Variants in PLCB1 observed in about 807,000 individuals in gnomAD.
PLCB1 encodes phospholipase C beta 1.
PLCB1 carries 46 observed loss-of-function variants against 161.8 expected under a neutral mutation model. That is an observed-to-expected ratio of 0.28 (90% CI 0.22 to 0.36). PLCB1 has a LOEUF of 0.36. Among genes scored for constraint, PLCB1 ranks in the 10% least tolerant of loss-of-function variants. PLCB1 has a pLI of 1.00. For missense variants in PLCB1, 1,016 were observed against 1,472.5 expected (o/e 0.69, Z 5.07); for synonymous variants, 517 against 503.7 (o/e 1.03, Z -0.35).
chr20:8,549,468 A>G (rs1048054718), intron 3 of PLCB1, among the ~76,000 whole-genome samples: 8 of 152,214 alleles, frequency 5.3e-5, no homozygotes, highest in Non-Finnish European at 1.0e-4. Flanking sequence ...GTCCCCACCC[A>G]AATCTCACCT....
At chr20:8,569,660 TA>T (rs1048115303) in intron 3 of PLCB1, among the ~76,000 whole-genome samples, 9 of 152,212 alleles carry the variant, frequency 5.9e-5, no homozygotes, top group African/African-American at 9.6e-5. Context: ...CAATCACTGA[TA>T]TTTTTATAAT....
At chr20:8,334,984 G>A (rs1204078612) in intron 2 of PLCB1, among the ~76,000 whole-genome samples, 1 of 152,076 alleles carries the variant, frequency 6.6e-6, no homozygotes, top group African/African-American at 2.4e-5. Flanking sequence ...ACCTATTTCT[G>A]TACCAAATTC....
chr20:8,619,108 GCTCCTTTTAA>G, intron 3 of PLCB1, among the ~76,000 whole-genome samples: 1 of 152,090 alleles, frequency 6.6e-6, no homozygotes. Flanking sequence ...AAATTTTCTC[GCTCCTTTTAA>G]CTCCTACAAT....
chr20:8,717,287 A>G (rs1176788490), intron 13 of PLCB1, among the ~76,000 whole-genome samples: 3 of 151,952 alleles, frequency 2.0e-5, no homozygotes, highest in Non-Finnish European at 2.9e-5. Context: ...GTCTTTACCA[A>G]CTCCTCCTGG....
chr20:8,499,534 T>A (rs1470893530), intron 3 of PLCB1, among the ~76,000 whole-genome samples: 3 of 152,236 alleles, frequency 2.0e-5, no homozygotes, highest in Non-Finnish European at 4.4e-5. Context: ...CAGAGAATTG[T>A]ATTTGTATAC....
intron 4 of PLCB1, among the ~76,000 whole-genome samples, chr20:8,644,207 C>A (rs867012496): frequency 6.6e-6 from 1 of 152,012 alleles, no homozygotes; most frequent in African/African-American, 2.4e-5. Context: ...AGCCTCTGCC[C>A]GGCCACCACC....
chr20:8,844,476 G>C (rs528100103), intron 31 of PLCB1, among the ~76,000 whole-genome samples: 1 of 152,112 alleles, frequency 6.6e-6, no homozygotes, highest in Non-Finnish European at 1.5e-5. Flanking sequence ...CTAATGCTTT[G>C]GGAGGCTGAG....
intron 4 of PLCB1, among the ~76,000 whole-genome samples, chr20:8,632,035 C>CTTTTTTTTTTTTTTTTTTTTTTT (rs34028351): frequency 2.2e-5 from 1 of 45,984 alleles, no homozygotes; most frequent in Non-Finnish European, 3.7e-5. Context: ...GTTTTTTTTG[C>CTTTTTTTTTTTTTTTTTTTTTTT]TTTTTTTTTT....
At chr20:8,610,261 T>G (rs900899301) in intron 3 of PLCB1, among the ~76,000 whole-genome samples, 4 of 152,314 alleles carry the variant, frequency 2.6e-5, no homozygotes, top group South Asian at 4.1e-4. Flanking sequence ...ACTGGCTTCT[T>G]TCACTTAGCA....
At position 8,635,799 on chromosome 20, in the gene PLCB1, G is replaced by C. The variant is rs968882524; in HGVS notation, c.384+7368G>C. On this transcript the variant is annotated intron_variant, in intron 4 of 31. Transcript: ENST00000338037. The stretch of plus-strand genomic sequence containing the variant: ...AGAAAAGAAAGAGGGACAAGTGAAG[G>C]GTTCTGCTAAGGCCACCTCCGGGCC... 1.7e-4 allele frequency among the ~76,000 whole-genome samples: 26 copies of C among 152,134 alleles called. 1 individual carries two copies. Among genetic ancestry groups the C allele is most frequent in the African/African-American group, 5.1e-4 (21 of 41,422 alleles).
At chr20:8,709,694 C>G (rs905358362) in intron 12 of PLCB1, among the ~76,000 whole-genome samples, 1 of 152,164 alleles carries the variant, frequency 6.6e-6, no homozygotes. Flanking sequence ...TGAAGAATTT[C>G]TAAGTAGTTA....
chr20:8,596,658 TGG>T (rs1337631592), intron 3 of PLCB1, among the ~76,000 whole-genome samples: 1 of 117,692 alleles, frequency 8.5e-6, no homozygotes, highest in Non-Finnish European at 1.8e-5. Flanking sequence ...GGTAGCTTTA[TGG>T]GGATGGCATT....
chr20:8,514,644 A>G (rs1984036962), intron 3 of PLCB1, among the ~76,000 whole-genome samples: 1 of 152,260 alleles, frequency 6.6e-6, no homozygotes, highest in African/African-American at 2.4e-5. Context: ...ACTGTGCCCC[A>G]TAGAGTAAAG....
chr20:8,707,368 G>A (rs1462006430), intron 11 of PLCB1, among the ~76,000 whole-genome samples: 1 of 152,040 alleles, frequency 6.6e-6, no homozygotes, highest in African/African-American at 2.4e-5. Context: ...TATTTAAAAG[G>A]AGAATATGAA....
At chr20:8,490,781 C>T (rs6055853) in intron 3 of PLCB1, among the ~76,000 whole-genome samples, 32,821 of 151,350 alleles carry the variant, frequency 0.22, 4,966 homozygotes, top group African/African-American at 0.43. Context: ...TTTGGTAAAG[C>T]GTCTGTTTAT....
intron 9 of PLCB1, among the ~76,000 whole-genome samples, chr20:8,662,472 TAATATA>T (rs1361652751): frequency 1.5e-5 from 2 of 137,648 alleles, no homozygotes; most frequent in East Asian, 4.4e-4. Flanking sequence ...TAATTATGTA[TAATATA>T]TATATAATTT....
chr20:8,786,230 T>G (rs1012648768), intron 27 of PLCB1, among the ~76,000 whole-genome samples: 2 of 152,152 alleles, frequency 1.3e-5, no homozygotes, highest in Non-Finnish European at 2.9e-5. Flanking sequence ...TTCAGCTAAA[T>G]AGAGACGTTG....
At chr20:8,260,438 G>A (rs1409620650) in intron 2 of PLCB1, among the ~76,000 whole-genome samples, 1 of 151,956 alleles carries the variant, frequency 6.6e-6, no homozygotes, top group Non-Finnish European at 1.5e-5. Flanking sequence ...AGCTTGGAGA[G>A]GCTGAGAAAG....
chr20:8,416,154 C>A (rs964101004), intron 3 of PLCB1, among the ~76,000 whole-genome samples: 1 of 152,272 alleles, frequency 6.6e-6, no homozygotes, highest in Admixed American at 6.5e-5. Flanking sequence ...TGTTGAGTTA[C>A]TTCTAAATTC....
Sources: allele counts gnomAD v4.1 joint callset (sites outside exome capture counted in the v4.1 genomes callset), GRCh38; gene constraint gnomAD v4.1.1; transcripts MANE v1.5; gene names NCBI Gene and HGNC (gene_info 2026-07-23, HGNC 2026-07-21).